Variants in GALNT13 observed in about 807,000 individuals in gnomAD.
GALNT13 encodes UDP-GalNAc:polypeptide N-acetylgalactosaminyltransferase 13.
A neutral mutation model predicts 64.2 loss-of-function variants in GALNT13; 28 were observed. That is an observed-to-expected ratio of 0.44 (90% CI 0.32 to 0.60). The LOEUF is 0.60. Among genes scored for constraint, GALNT13 ranks in the 20% least tolerant of loss-of-function variants. The pLI, the probability that GALNT13 is intolerant of heterozygous loss-of-function variation, is 0.05. For synonymous variants in GALNT13, 214 were observed against 224.6 expected (o/e 0.95, Z 0.42); for missense variants, 577 against 669.8 (o/e 0.86, Z 1.53).
the GALNT13 span, among the ~76,000 whole-genome samples, chr2:153,479,572 G>C: frequency 6.6e-6 from 1 of 152,168 alleles, no homozygotes; most frequent in Non-Finnish European, 1.5e-5. Context: ...GGTGAACAGA[G>C]TGACCACTTG....
At chr2:153,297,140 A>C in the GALNT13 span, among the ~76,000 whole-genome samples, 1 of 152,188 alleles carries the variant, frequency 6.6e-6, no homozygotes, top group Non-Finnish European at 1.5e-5. Flanking sequence ...ACTTTGAAGG[A>C]ATGTGGAATT....
At chr2:153,674,036 T>C in the GALNT13 span, among the ~76,000 whole-genome samples, 1 of 152,110 alleles carries the variant, frequency 6.6e-6, no homozygotes, top group Admixed American at 6.5e-5. Flanking sequence ...AAACCACTGC[T>C]CAATGAAATA....
Position 154,242,861 on chromosome 2 carries a change from G to A in GALNT13, c.642G>A (p.Thr214=), listed in dbSNP as rs147522830. ...ITFLDAHCEC[T]LGWLEPLLAR... ...TTCTTGATGCACACTGTGAATGCAC[G>A]TTAGGATGGCTGGAGCCTTTGCTGG... The change falls in exon 6 of 13, where the codon ACG becomes ACA. Residue 214 remains threonine, a synonymous_variant. Coordinates refer to ENST00000392825, the MANE Select transcript of GALNT13 (RefSeq NM_052917.4). 7 of 1,614,160 alleles carry A rather than the reference G, an allele frequency of 4.3e-6. No homozygotes were observed. The highest frequency in any genetic ancestry group is 1.6e-4 in the Middle Eastern group (1 of 6,062).
the GALNT13 span, among the ~76,000 whole-genome samples, chr2:153,392,599 C>T: frequency 6.6e-6 from 1 of 152,016 alleles, no homozygotes; most frequent in Non-Finnish European, 1.5e-5. Context: ...CAGCTTGAGT[C>T]CAAGGGCAGT....
the GALNT13 span, among the ~76,000 whole-genome samples, chr2:153,661,664 T>C: frequency 6.6e-6 from 1 of 152,210 alleles, no homozygotes; most frequent in Non-Finnish European, 1.5e-5. Context: ...TCTTGCTTGC[T>C]TCATACAAAA....
the GALNT13 span, among the ~76,000 whole-genome samples, chr2:153,534,427 C>T: frequency 2.6e-5 from 4 of 151,496 alleles, no homozygotes; most frequent in African/African-American, 9.7e-5. Context: ...TTAGATGAAA[C>T]AGGACGGCTA....
At chr2:154,163,641 T>C (rs1306230070) in intron 4 of GALNT13, among the ~76,000 whole-genome samples, 1 of 152,174 alleles carries the variant, frequency 6.6e-6, no homozygotes, top group Non-Finnish European at 1.5e-5. Context: ...TTCTTTAGCA[T>C]AATCAGAATC....
intron 9 of GALNT13, among the ~76,000 whole-genome samples, chr2:154,323,370 T>A (rs1353102411): frequency 2.6e-5 from 4 of 152,000 alleles, no homozygotes; most frequent in Non-Finnish European, 1.5e-5. Flanking sequence ...AAACTTTGAG[T>A]AAAGAGGGTT....
At position 153,961,167 on chromosome 2, in the gene GALNT13, T is replaced by C. The variant is rs1430239481; in HGVS notation, c.142+16528T>C. On this transcript the variant is annotated intron_variant, in intron 3 of 12. Coordinates refer to ENST00000392825, the MANE Select transcript of GALNT13 (RefSeq NM_052917.4). ...TATCCAAGAAACATTACTTGAATAC[T>C]GATTGTGACAAAGCCTGGAGATAGA... 5.3e-5 allele frequency among the ~76,000 whole-genome samples: 8 copies of C among 152,182 alleles called. No individual in the cohort carries two copies. In the East Asian group the frequency reaches 1.5e-3, roughly 29 times the overall value.
At chr2:154,134,613 A>G (rs749033455) in intron 3 of GALNT13, among the ~76,000 whole-genome samples, 17 of 152,360 alleles carry the variant, frequency 1.1e-4, no homozygotes, top group Non-Finnish European at 2.1e-4. Flanking sequence ...CAAACTTTGG[A>G]ATATTTTGCA....
chr2:154,140,450 A>G lies in GALNT13; in HGVS notation c.256A>G (p.Met86Val). 2 of 1,612,322 alleles carry G rather than the reference A, an allele frequency of 1.2e-6. No homozygotes were observed. The highest frequency in any genetic ancestry group is 1.7e-6 in the Non-Finnish European group (2 of 1,178,598). ...ELFKINQFNL[M>V]ASDLIALNRS... ...GTTTAAAATCAATCAGTTTAACCTTATGGCCAGTGATTTGATTGCCCTTAA... is the reference window on the plus strand; with the variant it reads ...GTTTAAAATCAATCAGTTTAACCTTGTGGCCAGTGATTTGATTGCCCTTAA... Residue 86 changes from methionine to valine, a missense_variant, in exon 4 of 13, where the codon ATG becomes GTG. Coordinates refer to ENST00000392825, the MANE Select transcript of GALNT13 (RefSeq NM_052917.4).
At chr2:153,142,094 C>A in the GALNT13 span, among the ~76,000 whole-genome samples, 1 of 152,040 alleles carries the variant, frequency 6.6e-6, no homozygotes, top group South Asian at 2.1e-4. Flanking sequence ...CTGCTGAATT[C>A]TTTGTACCTA....
intron 1 of GALNT13, among the ~76,000 whole-genome samples, chr2:153,882,827 G>T: frequency 6.6e-6 from 1 of 151,326 alleles, no homozygotes; most frequent in African/African-American, 2.4e-5. Context: ...GGGGGATCTT[G>T]CTATGCTACC....
chr2:153,261,598 C>T, the GALNT13 span, among the ~76,000 whole-genome samples: 4 of 152,108 alleles, frequency 2.6e-5, no homozygotes, highest in Non-Finnish European at 4.4e-5. Context: ...AAACCTGTGG[C>T]CACCACTACT....
intron 3 of GALNT13, among the ~76,000 whole-genome samples, chr2:153,964,199 A>C (rs1693162606): frequency 6.6e-6 from 1 of 152,182 alleles, no homozygotes; most frequent in South Asian, 2.1e-4. Context: ...CTGTAATCCC[A>C]GCACTTTGGG....
the GALNT13 span, among the ~76,000 whole-genome samples, chr2:153,614,446 G>C: frequency 6.6e-6 from 1 of 151,906 alleles, no homozygotes; most frequent in African/African-American, 2.4e-5. Flanking sequence ...GAGAGGTAAT[G>C]ACTGGATTTC....
intron 9 of GALNT13, among the ~76,000 whole-genome samples, chr2:154,350,388 T>C (rs1428595544): frequency 6.6e-6 from 1 of 152,212 alleles, no homozygotes; most frequent in Non-Finnish European, 1.5e-5. Context: ...CTTTCTCCCA[T>C]GCTGGATGCT....
At chr2:153,964,192 T>TA (rs1434557620) in intron 3 of GALNT13, among the ~76,000 whole-genome samples, 19 of 152,308 alleles carry the variant, frequency 1.2e-4, no homozygotes, top group Admixed American at 1.2e-3. Context: ...CTCATGCCTG[T>TA]AATCCCAGCA....
the GALNT13 span, among the ~76,000 whole-genome samples, chr2:153,154,461 A>C: frequency 6.6e-6 from 1 of 151,822 alleles, no homozygotes; most frequent in East Asian, 1.9e-4. Context: ...GTACGAATAC[A>C]CCTCCCTAGT....
Sources: gnomAD v4.1 joint callset for allele counts (sites outside exome capture counted in the v4.1 genomes callset) on GRCh38, gnomAD v4.1.1 for gene constraint, MANE v1.5 for transcripts, NCBI Gene and HGNC (gene_info 2026-07-23, HGNC 2026-07-21) for gene names.